MTREX: variants seen among roughly 807,000 people sequenced by gnomAD.
MTREX encodes the protein exosome RNA helicase MTR4.
A neutral mutation model predicts 135.4 loss-of-function variants in MTREX; 76 were observed. The observed-to-expected ratio is 0.56, with a 90% CI of 0.47 to 0.68. The LOEUF is 0.68. Among genes scored for constraint, MTREX ranks in the 30% least tolerant of loss-of-function variants. The pLI, the probability that MTREX is intolerant of heterozygous loss-of-function variation, is 0.00. For synonymous variants in MTREX, 404 were observed against 401.6 expected, an observed-to-expected ratio of 1.01 and a Z score of -0.07; for missense variants, 920 against 1,262.1, an observed-to-expected ratio of 0.73 and a Z score of 4.11.
At chr5:55,374,989 A>G (rs2112095182) in intron 16 of MTREX, among the ~76,000 whole-genome samples, 1 of 152,268 alleles carries the variant, frequency 6.6e-6, no homozygotes, top group South Asian at 2.1e-4. Context: ...AGGTTCCGTG[A>G]TGCCCCACAA....
intron 7 of MTREX, 106 bp downstream of exon 7, chr5:55,341,877 G>GAA: frequency 3.5e-6 from 2 of 566,290 alleles, no homozygotes; most frequent in Admixed American, 3.5e-5. Flanking sequence ...GTGTGGCTAG[G>GAA]GTTCTAATAA....
intron 1 of MTREX, 70 bp downstream of exon 1, chr5:55,308,217 TAGGA>T (rs1458826106): frequency 6.7e-7 from 1 of 1,494,860 alleles, no homozygotes; most frequent in Non-Finnish European, 8.9e-7. Context: ...ACTACTCTCT[TAGGA>T]AGAGCACGAG....
At chr5:55,398,255 A>AT (rs1750674976) in intron 20 of MTREX, among the ~76,000 whole-genome samples, 1 of 140,616 alleles carries the variant, frequency 7.1e-6, no homozygotes, top group Non-Finnish European at 1.5e-5. Flanking sequence ...AGAAAAAAAA[A>AT]AAAAAACAAG....
At chr5:55,363,749 T>A (rs1475252109) in intron 15 of MTREX, among the ~76,000 whole-genome samples, 1 of 152,174 alleles carries the variant, frequency 6.6e-6, no homozygotes, top group Non-Finnish European at 1.5e-5. Context: ...AGATTTTAGC[T>A]CCTATTTGTT....
intron 25 of MTREX, among the ~76,000 whole-genome samples, chr5:55,418,095 G>A (rs1327891606): frequency 6.6e-6 from 1 of 151,396 alleles, no homozygotes; most frequent in African/African-American, 2.4e-5. Context: ...TTAGCTGGGT[G>A]TGGTGGCAGG....
At chr5:55,380,449 G>A (rs1579882495) in intron 18 of MTREX, among the ~76,000 whole-genome samples, 1 of 152,078 alleles carries the variant, frequency 6.6e-6, no homozygotes, top group East Asian at 1.9e-4. Context: ...ATTTCTTTCT[G>A]TTCCTGGTGT....
At chr5:55,371,843 A>G (rs1229734004) in intron 16 of MTREX, among the ~76,000 whole-genome samples, 1 of 151,988 alleles carries the variant, frequency 6.6e-6, no homozygotes, top group Non-Finnish European at 1.5e-5. Flanking sequence ...AATTTTCTGG[A>G]GTGGTATGTA....
At chr5:55,329,438 T>C (rs778201039) in intron 5 of MTREX, 2 of 152,062 alleles carry the variant, frequency 1.3e-5, no homozygotes, top group Non-Finnish European at 2.9e-5. Context: ...ACTCCCAAAT[T>C]TCTGGGATTA....
intron 2 of MTREX, 64 bp from the exon 3 acceptor site, chr5:55,324,068 G>A (rs1021423098): frequency 2.6e-6 from 3 of 1,161,022 alleles, no homozygotes; most frequent in Non-Finnish European, 3.8e-6. Flanking sequence ...TGCAATGTGA[G>A]GCTTATTATC....
chr5:55,319,910 T>G (rs772201908), intron 1 of MTREX, among the ~76,000 whole-genome samples: 1 of 152,194 alleles, frequency 6.6e-6, no homozygotes, highest in Non-Finnish European at 1.5e-5. Context: ...ATAGAATGTT[T>G]TAAATATAGT....
At chr5:55,400,022 A>C (rs997359281) in intron 20 of MTREX, among the ~76,000 whole-genome samples, 4 of 152,220 alleles carry the variant, frequency 2.6e-5, no homozygotes, top group Non-Finnish European at 5.9e-5. Flanking sequence ...ATCATAATAC[A>C]TCTGTAAATC....
chr5:55,309,569 T>G (rs1465130309), intron 1 of MTREX, among the ~76,000 whole-genome samples: 1 of 152,146 alleles, frequency 6.6e-6, no homozygotes, highest in Non-Finnish European at 1.5e-5. Flanking sequence ...AAAAGAGATG[T>G]TTAATTTGCA....
chr5:55,415,898 G>T (rs534563199), intron 24 of MTREX, 72 bp from the exon 25 acceptor site: 180 of 1,116,204 alleles, frequency 1.6e-4, no homozygotes, highest in Non-Finnish European at 2.1e-4. Context: ...TGGAATACTG[G>T]CTTGGAAACC....
At chr5:55,365,229 A>G (rs1453746372) in intron 15 of MTREX, among the ~76,000 whole-genome samples, 1 of 152,232 alleles carries the variant, frequency 6.6e-6, no homozygotes, top group East Asian at 1.9e-4. Context: ...ATGTGTTTGC[A>G]AAATTATAAA....
intron 19 of MTREX, among the ~76,000 whole-genome samples, chr5:55,390,873 C>T (rs989580150): frequency 6.6e-6 from 1 of 152,102 alleles, no homozygotes; most frequent in Non-Finnish European, 1.5e-5. Context: ...TCAAGTTTAC[C>T]TTGAAGATGT....
chr5:55,423,111 C>T lies in MTREX; in HGVS notation c.3076+129C>T, dbSNP rs1751080990. On this transcript the variant is annotated intron_variant, in intron 26 of 26. Coordinates refer to ENST00000230640, the MANE Select transcript of MTREX (RefSeq NM_015360.5). ...CTGCATTGTCATGGAGAGCTATCTACTAGTGTTTCTATAAAATTTAGTGTG... is the reference window on the plus strand; with the variant it reads ...CTGCATTGTCATGGAGAGCTATCTATTAGTGTTTCTATAAAATTTAGTGTG... 5 of 650,568 alleles carry T rather than the reference C, an allele frequency of 7.7e-6. No homozygotes were observed. The East Asian group carries it at 1.4e-4, about 18-fold the overall frequency. The allele number at this position is 650,568 out of a possible 1,614,324, so 40.3% of individuals were successfully genotyped here. A position where few individuals can be genotyped will look rare whatever the true frequency, so the allele number is the denominator to read the frequency against.
At chr5:55,325,979 T>C (rs1236651066) in intron 3 of MTREX, among the ~76,000 whole-genome samples, 1 of 152,222 alleles carries the variant, frequency 6.6e-6, no homozygotes, top group Non-Finnish European at 1.5e-5. Context: ...TAAAATATTT[T>C]TCTACTGAAA....
At chr5:55,399,784 G>C (rs1750696650) in intron 20 of MTREX, among the ~76,000 whole-genome samples, 1 of 152,174 alleles carries the variant, frequency 6.6e-6, no homozygotes, top group African/African-American at 2.4e-5. Context: ...ACCGCGCCTG[G>C]CCCTCAGGAC....
At chr5:55,329,961 A>AT in intron 5 of MTREX, among the ~76,000 whole-genome samples, 1 of 150,780 alleles carries the variant, frequency 6.6e-6, no homozygotes, top group African/African-American at 2.4e-5. Context: ...TACTATATTC[A>AT]TTTTTTTTCT....
Sources: allele counts gnomAD v4.1 joint callset (sites outside exome capture counted in the v4.1 genomes callset), GRCh38; gene constraint gnomAD v4.1.1; transcripts MANE v1.5; gene names NCBI Gene and HGNC (gene_info 2026-07-23, HGNC 2026-07-21).